Variants in STAT3 observed in about 807,000 individuals in gnomAD.
The protein encoded by STAT3 is DNA-binding protein APRF.
In STAT3, 7 loss-of-function variants were observed where a neutral mutation model predicts 114.3. The observed-to-expected ratio is 0.06, with a 90% CI of 0.03 to 0.11. STAT3 has a LOEUF of 0.11. Among genes scored for constraint, STAT3 ranks in the 10% least tolerant of loss-of-function variants. The pLI, the probability that STAT3 is intolerant of heterozygous loss-of-function variation, is 1.00. For missense variants in STAT3, 364 were observed against 960.9 expected (o/e 0.38, Z 8.21); for synonymous variants, 331 against 354.5 (o/e 0.93, Z 0.74).
chr17:42,332,753 T>G lies in STAT3; in HGVS notation c.1049+920A>C. ...ACTCAGGGAGGCTAAGGCAGGAGAA[T>G]CGCTTGAACCTGGGAGGTGGAGGTT... is the stretch of plus-strand genomic sequence containing the variant. On this transcript the variant is annotated intron_variant, in intron 10 of 23. Coordinates refer to ENST00000264657, the MANE Select transcript of STAT3 (RefSeq NM_139276.3). Among the ~76,000 whole-genome samples, 2 of 151,610 alleles carry G rather than the reference T, an allele frequency of 1.3e-5. 1 individual carries two copies. Among genetic ancestry groups the G allele is most frequent in the Non-Finnish European group, 2.9e-5 (2 of 67,948 alleles).
At chr17:42,319,529 G>A (rs940861902) in intron 21 of STAT3, among the ~76,000 whole-genome samples, 2 of 118,722 alleles carry the variant, frequency 1.7e-5, no homozygotes, top group South Asian at 2.8e-4. Context: ...ACGATAGAGC[G>A]AGACTCAGGC....
chr17:42,318,272 C>T (rs1450125947), intron 21 of STAT3, among the ~76,000 whole-genome samples: 1 of 152,108 alleles, frequency 6.6e-6, no homozygotes, highest in Non-Finnish European at 1.5e-5. Flanking sequence ...CAGGCATCTG[C>T]CACCATGCCT....
chr17:42,357,598 C>A (rs12938463), intron 1 of STAT3, among the ~76,000 whole-genome samples: 2 of 151,900 alleles, frequency 1.3e-5, no homozygotes, highest in Admixed American at 6.6e-5. Context: ...CTTGAACCCG[C>A]GAGGCAGAGG....
intron 1 of STAT3, among the ~76,000 whole-genome samples, chr17:42,363,681 G>A (rs948578786): frequency 7.3e-5 from 11 of 151,096 alleles, no homozygotes; most frequent in Admixed American, 1.3e-4. Flanking sequence ...CGAACTCCTG[G>A]GCTCAAGTTG....
intron 4 of STAT3, among the ~76,000 whole-genome samples, chr17:42,341,737 G>C (rs960365673): frequency 1.3e-5 from 2 of 151,988 alleles, no homozygotes; most frequent in African/African-American, 4.8e-5. Flanking sequence ...TTTCTCTAAG[G>C]GACAGAGGGT....
At chr17:42,373,811 G>A (rs1043583842) in intron 1 of STAT3, among the ~76,000 whole-genome samples, 1 of 151,390 alleles carries the variant, frequency 6.6e-6, no homozygotes, top group African/African-American at 2.4e-5. Context: ...CATGAACCTG[G>A]GAGGCAGAGC....
intron 14 of STAT3, among the ~76,000 whole-genome samples, chr17:42,328,480 T>G (rs8064327): frequency 0.21 from 31,288 of 152,164 alleles, 3,529 homozygotes; most frequent in East Asian, 0.36. Flanking sequence ...AAATCTTGGC[T>G]CACTGCAAGC....
At chr17:42,331,083 C>T (rs17886256) in intron 11 of STAT3, among the ~76,000 whole-genome samples, 11,172 of 152,182 alleles carry the variant, frequency 0.073, 1,382 homozygotes, top group African/African-American at 0.25. Context: ...TTCTGCCACC[C>T]AGGTTTGTGT....
intron 23 of STAT3, 22 bp downstream of exon 23, chr17:42,316,767 A>G (rs1232560568): frequency 1.2e-6 from 2 of 1,613,478 alleles, no homozygotes; most frequent in Non-Finnish European, 1.7e-6. Context: ...ATAGGGACAA[A>G]GTCTGTCAAC....
intron 14 of STAT3, among the ~76,000 whole-genome samples, chr17:42,328,671 G>A (rs2081852618): frequency 6.6e-6 from 1 of 152,224 alleles, no homozygotes; most frequent in South Asian, 2.1e-4. Context: ...GCATCCCAAA[G>A]TACGGGGTGT....
Position 42,324,564 on chromosome 17 carries a change from C to G in STAT3, c.1600+147G>C. 2.5e-6 allele frequency: 3 copies of G among 1,189,708 alleles called. No homozygotes were observed. The highest frequency in any genetic ancestry group is 3.5e-6 in the Non-Finnish European group (3 of 846,504). The allele number at this position is 1,189,708 out of a possible 1,614,324, so 73.7% of individuals were successfully genotyped here. On this transcript the variant is annotated intron_variant, in intron 17 of 23. Coordinates refer to ENST00000264657, the MANE Select transcript of STAT3 (RefSeq NM_139276.3). This position sits in a 1 kb window ranked among gnomAD's most constrained non-coding sequence, Gnocchi z 4.5. ...GTCTCTGCACCCCAACTCCCCAACT[C>G]CCCTGTTTCCTGGCACCAGCACAGC... is the stretch of plus-strand genomic sequence containing the variant.
chr17:42,349,525 T>C (rs1462173113), intron 1 of STAT3, among the ~76,000 whole-genome samples: 1 of 152,210 alleles, frequency 6.6e-6, no homozygotes, highest in Non-Finnish European at 1.5e-5. Flanking sequence ...TAAATGAGGA[T>C]CCAGGAAGAT....
intron 21 of STAT3, among the ~76,000 whole-genome samples, chr17:42,317,939 T>G (rs1272181384): frequency 6.6e-6 from 1 of 152,170 alleles, no homozygotes; most frequent in Non-Finnish European, 1.5e-5. Flanking sequence ...AGGCATGGTC[T>G]CTCTCTTTTG....
At chr17:42,345,267 GA>G (rs1156741636) in intron 4 of STAT3, 22,758 of 258,596 alleles carry the variant, frequency 0.088, 49 homozygotes, top group South Asian at 0.13. Flanking sequence ...CTCTGTCTCA[GA>G]AAAAAAAAAA....
chr17:42,380,581 G>T (rs1169005162), intron 1 of STAT3, among the ~76,000 whole-genome samples: 2 of 133,778 alleles, frequency 1.5e-5, no homozygotes, highest in Non-Finnish European at 3.4e-5. Flanking sequence ...GACGGGGGGG[G>T]TCTCACTCTG....
At chr17:42,332,774 A>G (rs1462083850) in intron 10 of STAT3, among the ~76,000 whole-genome samples, 1 of 151,786 alleles carries the variant, frequency 6.6e-6, no homozygotes, top group Non-Finnish European at 1.5e-5. Flanking sequence ...TGGGAGGTGG[A>G]GGTTGCAGTG....
chr17:42,340,761 G>A (rs1333385070), intron 4 of STAT3, among the ~76,000 whole-genome samples: 5 of 152,162 alleles, frequency 3.3e-5, no homozygotes, highest in Non-Finnish European at 7.3e-5. Context: ...TGACTCATCT[G>A]ATTGGTAAGA....
intron 1 of STAT3, among the ~76,000 whole-genome samples, chr17:42,361,063 C>T (rs944111087): frequency 3.3e-5 from 5 of 152,112 alleles, no homozygotes; most frequent in Non-Finnish European, 5.9e-5. Flanking sequence ...CAAATTCTTC[C>T]CCATGAAGTA....
At position 42,324,245 on chromosome 17, in the gene STAT3, G is replaced by A. The variant is rs530190057; in HGVS notation, c.1600+466C>T. ...GAGGCAGAAGAATCGCTTGAACCCA[G>A]AAGGCGGAGGTTGCAGTGAGCCGAG... On this transcript the variant is annotated intron_variant, in intron 17 of 23. Transcript: ENST00000264657. This position sits in a 1 kb window ranked among gnomAD's most constrained non-coding sequence, Gnocchi z 4.5. 6.6e-6 allele frequency among the ~76,000 whole-genome samples: 1 copy of A among 150,790 alleles called. No homozygotes were observed. The highest frequency in any genetic ancestry group is 2.0e-4 in the East Asian group (1 of 5,114).
Sources: gnomAD v4.1 joint callset for allele counts (sites outside exome capture counted in the v4.1 genomes callset) on GRCh38, gnomAD v4.1.1 for gene constraint, Gnocchi (gnomAD v3.1) non-coding constraint, MANE v1.5 for transcripts, NCBI Gene and HGNC (gene_info 2026-07-23, HGNC 2026-07-21) for gene names.